Variants in PPP3CA observed in about 807,000 individuals in gnomAD.
The protein encoded by PPP3CA is protein phosphatase 3 catalytic subunit alpha, also known as CAM-PRP catalytic subunit.
PPP3CA carries 14 observed loss-of-function variants against 66.5 expected under a neutral mutation model. The ratio of observed to expected loss-of-function variants is 0.21; its 90% confidence interval spans 0.14 to 0.33. The LOEUF (loss-of-function observed/expected upper bound fraction) is 0.33. Among genes scored for constraint, PPP3CA ranks in the 10% least tolerant of loss-of-function variants. PPP3CA has a pLI of 1.00. For synonymous variants in PPP3CA, 232 were observed against 226.2 expected, an observed-to-expected ratio of 1.03 and a Z score of -0.23; for missense variants, 317 against 639.5, an observed-to-expected ratio of 0.50 and a Z score of 5.44.
intron 1 of PPP3CA, among the ~76,000 whole-genome samples, chr4:101,258,052 A>G (rs1399930274): frequency 6.6e-6 from 1 of 152,124 alleles, no homozygotes; most frequent in Non-Finnish European, 1.5e-5. Flanking sequence ...TACATAAATG[A>G]TTCTCAAAAT....
At position 101,230,462 on chromosome 4, in the gene PPP3CA, C is replaced by T. The variant is rs1215315457; in HGVS notation, c.59-34346G>A. Among the ~76,000 whole-genome samples, 4 of 151,256 alleles carry T rather than the reference C, an allele frequency of 2.6e-5. No individual in the cohort carries two copies. In the Admixed American group the frequency reaches 2.6e-4, roughly 10 times the overall value. ...TAAATGTATGAATCTACAGCTGCAG[C>T]GAGCCATGATAACACCACCGCTCTT... On this transcript the variant is annotated intron_variant, in intron 1 of 13. Transcript: ENST00000394854.
intron 6 of PPP3CA, among the ~76,000 whole-genome samples, chr4:101,086,973 G>C (rs1729700471): frequency 6.6e-6 from 1 of 152,234 alleles, no homozygotes; most frequent in Non-Finnish European, 1.5e-5. Context: ...TGGCAAAGCA[G>C]AGGCAGGCAG....
chr4:101,303,927 A>G (rs1039035036), intron 1 of PPP3CA, among the ~76,000 whole-genome samples: 1 of 152,214 alleles, frequency 6.6e-6, no homozygotes, highest in Non-Finnish European at 1.5e-5. Flanking sequence ...CACTGGTCAA[A>G]CTTGCAATTT....
intron 1 of PPP3CA, among the ~76,000 whole-genome samples, chr4:101,289,748 A>C (rs1303116738): frequency 2.6e-5 from 4 of 152,098 alleles, no homozygotes; most frequent in East Asian, 3.8e-4. Context: ...TTTTACATTA[A>C]ATTTCTCCCT....
intron 1 of PPP3CA, among the ~76,000 whole-genome samples, chr4:101,239,743 T>C (rs973935841): frequency 3.9e-5 from 6 of 152,006 alleles, no homozygotes; most frequent in African/African-American, 1.2e-4. Flanking sequence ...GTATACAAAA[T>C]TGATATTCAG....
At chr4:101,081,896 T>G (rs1027166102) in intron 7 of PPP3CA, among the ~76,000 whole-genome samples, 1 of 152,190 alleles carries the variant, frequency 6.6e-6, no homozygotes, top group African/African-American at 2.4e-5. Context: ...GTACCTTGAC[T>G]TTATAGACAG....
intron 1 of PPP3CA, among the ~76,000 whole-genome samples, chr4:101,210,406 G>A (rs978681292): frequency 3.3e-5 from 5 of 152,132 alleles, no homozygotes; most frequent in Non-Finnish European, 7.4e-5. Flanking sequence ...GTACCATCTT[G>A]AGCACATTAT....
At chr4:101,087,605 A>C (rs551084989) in intron 6 of PPP3CA, among the ~76,000 whole-genome samples, 7 of 152,064 alleles carry the variant, frequency 4.6e-5, no homozygotes, top group Non-Finnish European at 5.9e-5. Context: ...TTCACTCGTC[A>C]TTATGCTTGG....
intron 3 of PPP3CA, among the ~76,000 whole-genome samples, chr4:101,107,217 A>G (rs1417874472): frequency 1.3e-5 from 2 of 152,126 alleles, no homozygotes; most frequent in African/African-American, 2.4e-5. Flanking sequence ...ATATTCTTTC[A>G]CTTTTCTCTA....
chr4:101,254,747 T>A (rs992315260), intron 1 of PPP3CA, among the ~76,000 whole-genome samples: 8 of 151,840 alleles, frequency 5.3e-5, no homozygotes, highest in Non-Finnish European at 7.4e-5. Flanking sequence ...CTCTAAATGT[T>A]AAATCTTGTG....
intron 10 of PPP3CA, among the ~76,000 whole-genome samples, chr4:101,045,039 A>G (rs1727698252): frequency 6.6e-6 from 1 of 152,236 alleles, no homozygotes; most frequent in South Asian, 2.1e-4. Flanking sequence ...CTTCCAGCTC[A>G]GTTACCACTG....
At chr4:101,044,081 T>A (rs1454215438) in intron 10 of PPP3CA, among the ~76,000 whole-genome samples, 2 of 152,182 alleles carry the variant, frequency 1.3e-5, no homozygotes. Context: ...CACACATATA[T>A]AATCTCACAA....
Position 101,106,450 on chromosome 4 carries a change from A to AAAGAAAGAAAGAAAGAAAGGAAGAAAG in PPP3CA, c.384+2503_384+2504insCTTTCTTCCTTTCTTTCTTTCTTTCTT, listed in dbSNP as rs751759518. 1.8e-4 allele frequency among the ~76,000 whole-genome samples: 2 copies of AAAGAAAGAAAGAAAGAAAGGAAGAAAG among 11,094 alleles called. 1 individual carries two copies. Among genetic ancestry groups the AAAGAAAGAAAGAAAGAAAGGAAGAAAG allele is most frequent in the Non-Finnish European group, 3.5e-4 (2 of 5,772 alleles). The allele number at this position is 11,094 out of a possible 152,430, so 7.3% of individuals were successfully genotyped here. On this transcript the variant is annotated intron_variant, in intron 3 of 13. Coordinates refer to ENST00000394854, the MANE Select transcript of PPP3CA (RefSeq NM_000944.5). Reference sequence around the variant, plus strand: ...GAAAGAAAGAAAGAAAGAAAGAAAGAAAGAGAAAAGAAAAGAAAAGAAAAG... The same window carrying AAAGAAAGAAAGAAAGAAAGGAAGAAAG: ...GAAAGAAAGAAAGAAAGAAAGAAAGAAAGAAAGAAAGAAAGAAAGGAAGAAAGAAGAGAAAAGAAAAGAAAAGAAAAG...
intron 6 of PPP3CA, among the ~76,000 whole-genome samples, chr4:101,092,325 G>A (rs142161961): frequency 1.7e-3 from 257 of 152,110 alleles, no homozygotes; most frequent in Middle Eastern, 0.014. Flanking sequence ...TTTAACCAAT[G>A]TAAAGTTGTT....
intron 1 of PPP3CA, among the ~76,000 whole-genome samples, chr4:101,334,559 A>C (rs899420419): frequency 6.6e-6 from 1 of 152,180 alleles, no homozygotes; most frequent in African/African-American, 2.4e-5. Flanking sequence ...AAAGGAAAAA[A>C]ATTTAAATTA....
chr4:101,217,211 G>T (rs1308183310), intron 1 of PPP3CA, among the ~76,000 whole-genome samples: 1 of 152,006 alleles, frequency 6.6e-6, no homozygotes, highest in Non-Finnish European at 1.5e-5. Context: ...ATGTGGATTT[G>T]GGGCCTGACT....
At chr4:101,158,547 T>C (rs572168023) in intron 2 of PPP3CA, among the ~76,000 whole-genome samples, 2 of 152,344 alleles carry the variant, frequency 1.3e-5, no homozygotes, top group South Asian at 2.1e-4. Context: ...CGGTATCATA[T>C]TATAATTAAA....
intron 2 of PPP3CA, among the ~76,000 whole-genome samples, chr4:101,160,988 T>G (rs2695218): frequency 0.29 from 44,364 of 151,950 alleles, 7,404 homozygotes; most frequent in African/African-American, 0.45. Context: ...TAACAAGGTT[T>G]TGGCCAAGGA....
intron 8 of PPP3CA, among the ~76,000 whole-genome samples, chr4:101,066,949 A>G (rs1271167387): frequency 2.6e-5 from 4 of 152,164 alleles, no homozygotes; most frequent in Non-Finnish European, 5.9e-5. Context: ...TGAGAAACAG[A>G]GAAAAAAAGA....
Sources: allele counts gnomAD v4.1 joint callset (sites outside exome capture counted in the v4.1 genomes callset), GRCh38; gene constraint gnomAD v4.1.1; transcripts MANE v1.5; gene names NCBI Gene and HGNC (gene_info 2026-07-23, HGNC 2026-07-21).